Variants in ARHGEF17 observed in about 807,000 individuals in gnomAD.
ARHGEF17 encodes the protein 164 kDa Rho-specific guanine-nucleotide exchange factor.
Under a neutral mutation model 174.0 loss-of-function variants are expected in ARHGEF17, and 80 were observed. The ratio of observed to expected loss-of-function variants is 0.46; its 90% CI spans 0.38 to 0.55. ARHGEF17 has a LOEUF of 0.55. ARHGEF17 is among the 20% of genes least tolerant of loss of function. ARHGEF17 has a pLI of 0.00. For synonymous variants in ARHGEF17, 1,311 were observed against 1,189.1 expected, an observed-to-expected ratio of 1.10 and a Z score of -2.11; for missense variants, 2,886 against 2,839.7, an observed-to-expected ratio of 1.02 and a Z score of -0.37.
In ARHGEF17 at chr11:73,362,510, C is replaced by A. The variant is rs894029120; in HGVS notation, c.4772C>A (p.Ala1591Asp). The A allele has an allele frequency of 8.1e-6, 13 of 1,604,136 alleles. No homozygotes were observed. Among genetic ancestry groups the A allele is most frequent in the Non-Finnish European group, 1.0e-5 (12 of 1,177,740 alleles). ...GGGCCGGAGCTGGACGTCGAGGCCG[C>A]TGCAGACGAGGAAGCCGCGACGCTC... ...PAGPELDVEAAADEEAATLAE... is the reference protein window; with the variant it reads ...PAGPELDVEADADEEAATLAE... Residue 1591 changes from alanine to aspartate, a missense_variant, in exon 14 of 21, where the codon GCT becomes GAT. Ala to Asp is a moderately radical substitution (Grantham distance 126). Around this residue, in one of 4 missense-constraint regions of ARHGEF17, gnomAD observed 476 missense variants for 473.1 expected, o/e 1.01. Coordinates refer to ENST00000263674, the MANE Select transcript of ARHGEF17 (RefSeq NM_014786.4).
intron 1 of ARHGEF17, among the ~76,000 whole-genome samples, chr11:73,342,095 A>AGG (rs1865378852): frequency 1.3e-5 from 2 of 150,412 alleles, no homozygotes; most frequent in African/African-American, 2.4e-5. Flanking sequence ...TGCACAGTCT[A>AGG]GGTACGGGAG....
chr11:73,319,403 C>T (rs1433460074), intron 1 of ARHGEF17, among the ~76,000 whole-genome samples: 1 of 152,150 alleles, frequency 6.6e-6, no homozygotes, highest in East Asian at 1.9e-4. Context: ...TCATTGTGTT[C>T]TTAAAGCCTA....
At chr11:73,333,349 T>C (rs180727430) in intron 1 of ARHGEF17, among the ~76,000 whole-genome samples, 8 of 152,374 alleles carry the variant, frequency 5.3e-5, no homozygotes, top group Admixed American at 5.2e-4. Context: ...TCTTATCCAC[T>C]GCGCACACTT....
chr11:73,335,538 G>C (rs546678455), intron 1 of ARHGEF17, among the ~76,000 whole-genome samples: 2 of 151,726 alleles, frequency 1.3e-5, no homozygotes, highest in East Asian at 3.9e-4. Flanking sequence ...GGATCTCAGA[G>C]AAGAAAGAAA....
rs759365646 is a variant in ARHGEF17, at chr11:73,311,608, C to T, written c.2970C>T (p.Phe990=). The T allele has an allele frequency of 1.2e-5, 19 of 1,613,296 alleles. No individual in the cohort carries two copies. The highest frequency in any genetic ancestry group is 2.2e-5 in the South Asian group (2 of 91,094). Residue 990 remains phenylalanine (F), a synonymous_variant, in exon 1 of 21, where the codon TTC becomes TTT. Transcript: ENST00000263674. ...TGGCTGTGCCAGAACCCATAGGCTT[C>T]CCTACCCGAGCCCATCCCACGTTGC... ...PPVAVPEPIG[F]PTRAHPTLQA... is the part of the protein sequence containing the mutation.
rs200529851 is a variant in ARHGEF17 at position 73,359,882 on chromosome 11, G to A, written c.4136G>A (p.Arg1379His). The A allele has an allele frequency of 3.3e-5, 53 of 1,613,364 alleles. 1 individual carries two copies. The highest frequency in any genetic ancestry group is 7.7e-5 in the South Asian group (7 of 91,012). The change falls in exon 10 of 21, where the codon CGC becomes CAC. Residue 1379 changes from arginine to histidine, a missense_variant. Physicochemically the swap from Arg to His is conservative, Grantham distance 29 (BLOSUM62 0). Around this residue, in one of 4 missense-constraint regions of ARHGEF17, gnomAD observed 353 missense variants for 470.3 expected, o/e 0.75. Transcript: ENST00000263674. ...NRENIQKAIS[R>H]LDEDLTTLGQ... is the part of the protein sequence containing the mutation. ...GAGAACATCCAGAAGGCCATCAGCC[G>A]CCTTGATGAGGACCTCACCACCCTG...
At chr11:73,354,670 T>C (rs1366867034) in intron 3 of ARHGEF17, among the ~76,000 whole-genome samples, 3 of 147,954 alleles carry the variant, frequency 2.0e-5, no homozygotes, top group Non-Finnish European at 4.4e-5. Flanking sequence ...GCCGAGATCG[T>C]GCCATTGCAC....
At chr11:73,357,823 C>T (rs1252481339) in intron 9 of ARHGEF17, among the ~76,000 whole-genome samples, 1 of 152,188 alleles carries the variant, frequency 6.6e-6, no homozygotes, top group African/African-American at 2.4e-5. Flanking sequence ...GTCTTTCTTC[C>T]CTTCTTGCTG....
chr11:73,317,319 A>G (rs1244080142), intron 1 of ARHGEF17, among the ~76,000 whole-genome samples: 2 of 152,098 alleles, frequency 1.3e-5, no homozygotes, highest in Admixed American at 1.3e-4. Flanking sequence ...AGGTAGCCCC[A>G]TCCCTCCCAT....
chr11:73,353,722 A>G (rs1202275076), intron 3 of ARHGEF17, among the ~76,000 whole-genome samples: 1 of 152,242 alleles, frequency 6.6e-6, no homozygotes, highest in Non-Finnish European at 1.5e-5. Flanking sequence ...TCTCCACTGT[A>G]CACTTGTCAA....
Position 73,322,220 on chromosome 11 carries a change from G to A in ARHGEF17, c.3192+10390G>A, listed in dbSNP as rs551532607. Among the ~76,000 whole-genome samples the A allele has an allele frequency of 8.5e-5, 13 of 152,342 alleles. No homozygotes were observed. The East Asian group carries it at 1.9e-3, about 23-fold the overall frequency. On this transcript the variant is annotated intron_variant, in intron 1 of 20. Transcript: ENST00000263674. ...CTGAATCACTGAGGTCTCACTCTGG[G>A]TTTCTTGGTATCCCCCGCCTTTCCC...
intron 1 of ARHGEF17, among the ~76,000 whole-genome samples, chr11:73,332,033 G>C (rs544025524): frequency 6.6e-6 from 1 of 152,330 alleles, no homozygotes; most frequent in African/African-American, 2.4e-5. Flanking sequence ...GCCAGCGAGG[G>C]CTGCCAGGGA....
Position 73,308,634 on chromosome 11 carries a change from C to A in ARHGEF17, c.-5C>A. ...GCCAGCCCCCCCGGAGTGAGTTACG[C>A]CACTATGGCGGACGGGGCACCCCGG... On this transcript the variant is annotated 5_prime_UTR_variant, in exon 1 of 21. Transcript: ENST00000263674. The A allele has an allele frequency of 6.7e-7, 1 of 1,490,034 alleles. No homozygotes were observed. Among genetic ancestry groups the A allele is most frequent in the South Asian group, 1.3e-5 (1 of 78,310 alleles). 92.3% of individuals were successfully genotyped at this position (1,490,034 alleles called of 1,614,324 possible). A position where few individuals can be genotyped will look rare whatever the true frequency, so the allele number is the denominator to read the frequency against.
Position 73,367,654 on chromosome 11 carries a change from T to G in ARHGEF17, c.6066T>G (p.Pro2022=). The change falls in exon 21 of 21, where the codon CCT becomes CCG. Residue 2022 remains proline (P), a synonymous_variant. Transcript: ENST00000263674. ...ACCGAGGCCCCGCCCCTGCCAGGCC[T>G]AAAATGCTGGTTATCAGTGGAGGTG... ...PWHRGPAPAR[P]KMLVISGGDG... is the part of the protein sequence containing the mutation. The G allele has an allele frequency of 6.2e-7, 1 of 1,614,038 alleles. No homozygotes were observed.
In ARHGEF17 at chr11:73,309,271, G is replaced by T; in HGVS notation, c.633G>T (p.Ala211=). ...QQQQERAQRP[A]DGLHSWHIFS... Reference sequence around the variant, plus strand: ...AACAGGAGCGGGCGCAGCGTCCAGCGGATGGTTTACATTCTTGGCATATCT... The same window carrying T: ...AACAGGAGCGGGCGCAGCGTCCAGCTGATGGTTTACATTCTTGGCATATCT... The change falls in exon 1 of 21, where the codon GCG becomes GCT. Residue 211 remains alanine, a synonymous_variant. Transcript: ENST00000263674. 1 of 1,610,888 alleles carries T rather than the reference G, an allele frequency of 6.2e-7. No individual in the cohort carries two copies. The highest frequency in any genetic ancestry group is 8.5e-7 in the Non-Finnish European group (1 of 1,179,018).
At position 73,309,863 on chromosome 11, in the gene ARHGEF17, G is replaced by A. The variant is rs1033910981; in HGVS notation, c.1225G>A (p.Gly409Ser). 3.7e-6 allele frequency: 6 copies of A among 1,613,268 alleles called. No homozygotes were observed. Among genetic ancestry groups the A allele is most frequent in the Non-Finnish European group, 5.1e-6 (6 of 1,180,014 alleles). ...GGACGACGACCTATGGTCTAGTAGG[G>A]GTTCTGGGGGCTGGGGCGTGTACCG... is the stretch of plus-strand genomic sequence containing the variant. ...LKDDDLWSSRGSGGWGVYRSP... is the reference protein window; with the variant it reads ...LKDDDLWSSRSSGGWGVYRSP... The change falls in exon 1 of 21, where the codon GGT (glycine) becomes AGT (serine). Residue 409 changes from glycine (G) to serine (S), a missense_variant. Gly to Ser is a moderately conservative substitution (Grantham distance 56, BLOSUM62 0). Around this residue, in one of 4 missense-constraint regions of ARHGEF17, gnomAD observed 1,728 missense variants for 1,461.2 expected, o/e 1.18. Coordinates refer to ENST00000263674, the MANE Select transcript of ARHGEF17 (RefSeq NM_014786.4).
chr11:73,330,154 T>C (rs559996279), intron 1 of ARHGEF17, among the ~76,000 whole-genome samples: 29 of 152,352 alleles, frequency 1.9e-4, no homozygotes, highest in African/African-American at 7.0e-4. Context: ...ACCTTTTAAA[T>C]ATTAGGGAAG....
intron 1 of ARHGEF17, among the ~76,000 whole-genome samples, chr11:73,345,942 A>T (rs6592521): frequency 0.3 from 45,650 of 151,850 alleles, 9,203 homozygotes; most frequent in African/African-American, 0.58. Context: ...GCTATCTGGG[A>T]AGGCTTCCTG....
At chr11:73,367,093 C>G (rs559070770) in intron 20 of ARHGEF17, among the ~76,000 whole-genome samples, 3 of 152,182 alleles carry the variant, frequency 2.0e-5, no homozygotes, top group African/African-American at 7.2e-5. Flanking sequence ...AGGCCACAAC[C>G]AGAAAAGTCT....
Sources: gnomAD v4.1 joint callset for allele counts (sites outside exome capture counted in the v4.1 genomes callset) on GRCh38, gnomAD v4.1.1 for gene constraint, gnomAD v4.1.1 regional missense constraint, MANE v1.5 for transcripts, NCBI Gene and HGNC (gene_info 2026-07-23, HGNC 2026-07-21) for gene names.